The following TRMT44 variants were observed in gnomAD, a reference collection of about 807,000 sequenced individuals.
The protein encoded by TRMT44 is tRNA methyltransferase 44 homolog, also known as probable tRNA (uracil-O(2)-)-methyltransferase.
TRMT44 carries 78 observed loss-of-function variants against 77.3 expected under a neutral mutation model. That is an observed-to-expected ratio of 1.01 (90% CI 0.84 to 1.22). The LOEUF is 1.22. Among genes scored for constraint, TRMT44 ranks in the 50% most tolerant of loss-of-function variants. The pLI is 0.00. For synonymous variants in TRMT44, 391 were observed against 383.3 expected (o/e 1.02, Z -0.23); for missense variants, 1,090 against 964.4 (o/e 1.13, Z -1.73).
In TRMT44 at chr4:8,452,112, C is replaced by G; in HGVS notation, c.1023+84C>G. On this transcript the variant is annotated intron_variant, in intron 4 of 10. Transcript: ENST00000389737. This position sits in a 1 kb window ranked among gnomAD's most constrained non-coding sequence, Gnocchi z 5.7. ...GTTCCCTGTAGTGAAGGACATTTTC[C>G]AAATCCATAACTGCCGGTGCTCACA... 1.6e-6 allele frequency: 2 copies of G among 1,261,720 alleles called. No individual in the cohort carries two copies. Among genetic ancestry groups the G allele is most frequent in the Non-Finnish European group, 2.2e-6 (2 of 898,850 alleles). 78.2% of individuals were successfully genotyped at this position (1,261,720 alleles called of 1,614,324 possible).
chr4:8,489,612 G>C (rs544364087), intron 2 of TRMT44, among the ~76,000 whole-genome samples: 16 of 152,248 alleles, frequency 1.1e-4, no homozygotes, highest in African/African-American at 2.4e-5. Context: ...GAGTGGCTGG[G>C]ATTACAGGTG....
At chr4:8,486,080 C>T (rs1186318442) in intron 2 of TRMT44, among the ~76,000 whole-genome samples, 1 of 152,232 alleles carries the variant, frequency 6.6e-6, no homozygotes, top group Non-Finnish European at 1.5e-5. Context: ...AGGAGTCAGT[C>T]AGAGAGCCTT....
intron 7 of TRMT44, among the ~76,000 whole-genome samples, chr4:8,464,889 GA>G (rs1726422744): frequency 6.6e-6 from 1 of 152,158 alleles, no homozygotes; most frequent in Admixed American, 6.5e-5. Flanking sequence ...CAGCCACAAA[GA>G]AAAGGAAATC....
chr4:8,456,423 G>T (rs2109121279), intron 6 of TRMT44, among the ~76,000 whole-genome samples: 1 of 152,084 alleles, frequency 6.6e-6, no homozygotes, highest in Admixed American at 6.6e-5. Context: ...AAGAAGCAGA[G>T]AAAAGTTACG....
chr4:8,449,623 G>T lies in TRMT44; in HGVS notation c.735-46G>T. The T allele has an allele frequency of 2.9e-6, 4 of 1,361,344 alleles. No homozygotes were observed. The South Asian group carries it at 5.5e-5, about 19-fold the overall frequency. 84.3% of individuals were successfully genotyped at this position (1,361,344 alleles called of 1,614,324 possible). A position where few individuals can be genotyped will look rare whatever the true frequency, so the allele number is the denominator to read the frequency against. On this transcript the variant is annotated intron_variant, in intron 2 of 10. Transcript: ENST00000389737. ...AAATAAATAGATAATTTTAAAATAAGAATTGAACATATCTGTGCTTATTCA... is the reference window on the plus strand; with the variant it reads ...AAATAAATAGATAATTTTAAAATAATAATTGAACATATCTGTGCTTATTCA...
rs765272271 is a variant in TRMT44 at position 8,468,170 on chromosome 4, C to T, written c.1751C>T (p.Pro584Leu). ...EHGAGPQAEG[P>L]WLPGFHPREK... is the part of the protein sequence containing the mutation. Reference sequence around the variant, plus strand: ...GGAGCAGGGCCCCAGGCTGAAGGACCCTGGCTACCTGGATTTCATCCCAGA... The same window carrying T: ...GGAGCAGGGCCCCAGGCTGAAGGACTCTGGCTACCTGGATTTCATCCCAGA... Residue 584 changes from proline (P) to leucine (L), a missense_variant, in exon 9 of 11, where the codon CCC becomes CTC. Pro to Leu is a moderately conservative substitution (Grantham distance 98). Transcript: ENST00000389737. 1 of 1,614,118 alleles carries T rather than the reference C, an allele frequency of 6.2e-7. No individual in the cohort carries two copies. Among genetic ancestry groups the T allele is most frequent in the South Asian group, 1.1e-5 (1 of 91,086 alleles).
intron 3 of TRMT44, among the ~76,000 whole-genome samples, chr4:8,450,744 C>G (rs550108767): frequency 2.0e-5 from 3 of 151,880 alleles, no homozygotes; most frequent in East Asian, 3.9e-4. Flanking sequence ...CTTCCTAGTT[C>G]CCATCTTCCT....
chr4:8,482,914 G>C (rs1232646108), intron 2 of TRMT44, among the ~76,000 whole-genome samples: 1 of 148,030 alleles, frequency 6.8e-6, no homozygotes, highest in Non-Finnish European at 1.5e-5. Flanking sequence ...ATTTTGGGGG[G>C]GGTGGTATGG....
At chr4:8,463,851 T>A in intron 6 of TRMT44, 134 bp from the exon 7 acceptor site, 2 of 709,536 alleles carry the variant, frequency 2.8e-6, no homozygotes, top group Non-Finnish European at 2.4e-6. Context: ...TTCCCCGCTC[T>A]TGGTCATGCA....
downstream of TRMT44, among the ~76,000 whole-genome samples, chr4:8,480,232 G>A (rs73091457): frequency 1.4e-3 from 212 of 152,346 alleles, 1 homozygote; most frequent in African/African-American, 5.0e-3. Context: ...GGGAGTGGAA[G>A]TTTATTAAAA....
downstream of TRMT44, among the ~76,000 whole-genome samples, chr4:8,496,211 G>T (rs1386179504): frequency 6.6e-6 from 1 of 152,222 alleles, no homozygotes; most frequent in African/African-American, 2.4e-5. Flanking sequence ...TGAGCCACTT[G>T]CTCAACCCTG....
intron 2 of TRMT44, among the ~76,000 whole-genome samples, chr4:8,487,227 AT>A (rs1364404110): frequency 6.6e-6 from 1 of 152,172 alleles, no homozygotes; most frequent in African/African-American, 2.4e-5. Flanking sequence ...AAAATAAGGC[AT>A]TTAGGTTTTA....
At chr4:8,471,643 G>A (rs1727006940) in intron 10 of TRMT44, among the ~76,000 whole-genome samples, 1 of 152,230 alleles carries the variant, frequency 6.6e-6, no homozygotes, top group Non-Finnish European at 1.5e-5. Flanking sequence ...CACAGGCGGA[G>A]GCCTGGACTC....
chr4:8,452,931 C>G lies in TRMT44; in HGVS notation c.1073C>G (p.Ser358Cys). 4 of 1,533,446 alleles carry G rather than the reference C, an allele frequency of 2.6e-6. No homozygotes were observed. The highest frequency in any genetic ancestry group is 1.4e-5 in the African/African-American group (1 of 72,884). The allele number at this position is 1,533,446 out of a possible 1,614,324, so 95.0% of individuals were successfully genotyped here. A position where few individuals can be genotyped will look rare whatever the true frequency, so the allele number is the denominator to read the frequency against. Residue 358 changes from serine to cysteine, a missense_variant, in exon 5 of 11, where the codon TCC (serine) becomes TGC (cysteine). By Grantham distance (112) the Ser-to-Cys change is moderately radical (BLOSUM62 -1). Coordinates refer to ENST00000389737, the MANE Select transcript of TRMT44 (RefSeq NM_152544.3). This position sits in a 1 kb window ranked among gnomAD's most constrained non-coding sequence, Gnocchi z 5.7. ...GAGAGGAGACTAACTGCCAGGCAGTCCTTTGTGGACCTGGGATGTGGAAAT... is the reference window on the plus strand; with the variant it reads ...GAGAGGAGACTAACTGCCAGGCAGTGCTTTGTGGACCTGGGATGTGGAAAT... Reference protein sequence around the residue: ...RAERRLTARQSFVDLGCGNGL... With the variant: ...RAERRLTARQCFVDLGCGNGL...
intron 2 of TRMT44, among the ~76,000 whole-genome samples, chr4:8,485,934 G>T (rs576014526): frequency 1.3e-5 from 2 of 152,156 alleles, no homozygotes; most frequent in Non-Finnish European, 2.9e-5. Context: ...GGTAGCCCCC[G>T]TATCGATTAA....
chr4:8,473,628 C>T (rs1246815636), intron 10 of TRMT44: 1 of 152,440 alleles, frequency 6.6e-6, no homozygotes, highest in Non-Finnish European at 1.5e-5. Context: ...GAGGTAGAGT[C>T]CCAGGGGATG....
At chr4:8,483,015 G>A (rs978997380) in intron 2 of TRMT44, among the ~76,000 whole-genome samples, 18 of 152,128 alleles carry the variant, frequency 1.2e-4, no homozygotes, top group African/African-American at 4.3e-4. Flanking sequence ...GCTGAAGGAT[G>A]ATTTCGTGGT....
the TRMT44 span, among the ~76,000 whole-genome samples, chr4:8,504,409 C>T: frequency 6.6e-6 from 1 of 152,178 alleles, no homozygotes; most frequent in South Asian, 2.1e-4. This position sits in a 1 kb window ranked among gnomAD's most constrained non-coding sequence, Gnocchi z 5.3. Flanking sequence ...CTGCCCTCCT[C>T]CCCTGGAGCT....
rs1024473464 is a variant in TRMT44, at chr4:8,490,823, T to C, written n.3892-2443T>C. Among the ~76,000 whole-genome samples, 29 of 152,178 alleles carry C rather than the reference T, an allele frequency of 1.9e-4. 1 individual carries two copies. Among genetic ancestry groups the C allele is most frequent in the Non-Finnish European group, 5.9e-5 (4 of 68,026 alleles). On this transcript the variant is annotated intron_variant and non_coding_transcript_variant, in intron 2 of 2. Transcript: ENST00000511366. ...TCTGGCCCCACCCACATCCTGCTGATTGGTAGAGCCAAGTGGTCTGTTTTG... is the reference window on the plus strand; with the variant it reads ...TCTGGCCCCACCCACATCCTGCTGACTGGTAGAGCCAAGTGGTCTGTTTTG...
Sources: gnomAD v4.1 joint callset for allele counts (sites outside exome capture counted in the v4.1 genomes callset) on GRCh38, gnomAD v4.1.1 for gene constraint, Gnocchi (gnomAD v3.1) non-coding constraint, MANE v1.5 for transcripts, NCBI Gene and HGNC (gene_info 2026-07-23, HGNC 2026-07-21) for gene names.